The following STX18 variants were observed in gnomAD, a reference collection of about 807,000 sequenced individuals.
STX18 encodes syntaxin 18, also known as syntaxin-18.
Under a neutral mutation model 50.1 loss-of-function variants are expected in STX18, and 40 were observed. The observed-to-expected ratio is 0.80, with a 90% CI of 0.62 to 1.04. STX18 has a LOEUF of 1.04. Among genes scored for constraint, STX18 ranks in the 50% least tolerant of loss-of-function variants. The probability of loss-of-function intolerance (pLI) is 0.00; values close to 1 mark genes in which losing one functional copy is unlikely to be tolerated. For synonymous variants in STX18, 158 were observed against 151.8 expected, an observed-to-expected ratio of 1.04 and a Z score of -0.30; for missense variants, 410 against 415.8, an observed-to-expected ratio of 0.99 and a Z score of 0.12.
Position 4,419,954 on chromosome 4 carries a change from C to A in STX18, c.*80G>T. 1 of 1,202,222 alleles carries A rather than the reference C, an allele frequency of 8.3e-7. No individual in the cohort carries two copies. The highest frequency in any genetic ancestry group is 1.2e-6 in the Non-Finnish European group (1 of 833,960). 74.5% of individuals were successfully genotyped at this position (1,202,222 alleles called of 1,614,324 possible). On this transcript the variant is annotated 3_prime_UTR_variant, in exon 11 of 11. Coordinates refer to ENST00000306200, the MANE Select transcript of STX18 (RefSeq NM_016930.4). ...TGTGATAAAATCTGGTCATACCATG[C>A]TCCAGCACTGGAAGTACATGAAAGC... is the stretch of plus-strand genomic sequence containing the variant.
chr4:4,486,867 G>C (rs1333302133), intron 1 of STX18, among the ~76,000 whole-genome samples: 1 of 152,106 alleles, frequency 6.6e-6, no homozygotes, highest in Non-Finnish European at 1.5e-5. Context: ...CTTTCTAAGA[G>C]GGGACTATAT....
At chr4:4,515,356 T>A (rs1312945844) in intron 1 of STX18, among the ~76,000 whole-genome samples, 1 of 152,126 alleles carries the variant, frequency 6.6e-6, no homozygotes, top group African/African-American at 2.4e-5. Flanking sequence ...ACATAAGCAG[T>A]TCTAAAAATT....
At chr4:4,500,897 C>A (rs537487691) in intron 1 of STX18, among the ~76,000 whole-genome samples, 1 of 151,962 alleles carries the variant, frequency 6.6e-6, no homozygotes, top group Non-Finnish European at 1.5e-5. Context: ...ATTAGCTGGG[C>A]GTGGTGGCGG....
intron 1 of STX18, among the ~76,000 whole-genome samples, chr4:4,483,012 A>C (rs1189697900): frequency 6.6e-6 from 1 of 152,210 alleles, no homozygotes; most frequent in Non-Finnish European, 1.5e-5. Flanking sequence ...TTAGAGACAG[A>C]AGGAGAGAAA....
At position 4,459,332 on chromosome 4, in the gene STX18, T is replaced by C. The variant is rs935898362; in HGVS notation, c.352+40A>G. The stretch of plus-strand genomic sequence containing the variant: ...ATGCATCTTGTTTAACTACTTGCTA[T>C]ATTCATGGTTGCTTGTTTGCATCTT... On this transcript the variant is annotated intron_variant, in intron 3 of 10. Coordinates refer to ENST00000306200, the MANE Select transcript of STX18 (RefSeq NM_016930.4). 3 of 1,443,136 alleles carry C rather than the reference T, an allele frequency of 2.1e-6. No homozygotes were observed. In the African/African-American group the frequency reaches 4.2e-5, roughly 20 times the overall value. 89.4% of individuals were successfully genotyped at this position (1,443,136 alleles called of 1,614,324 possible). A position where few individuals can be genotyped will look rare whatever the true frequency, so the allele number is the denominator to read the frequency against.
At chr4:4,483,863 T>A (rs2108853092) in intron 1 of STX18, among the ~76,000 whole-genome samples, 1 of 141,318 alleles carries the variant, frequency 7.1e-6, no homozygotes, top group East Asian at 2.0e-4. Flanking sequence ...TCTCAGGAAT[T>A]TTTTTTTTCC....
intron 1 of STX18, among the ~76,000 whole-genome samples, chr4:4,489,487 C>G (rs964690722): frequency 3.9e-5 from 5 of 126,930 alleles, no homozygotes; most frequent in African/African-American, 1.4e-4. Flanking sequence ...TGGGCTCAAG[C>G]AATCTGCCTG....
intron 2 of STX18, among the ~76,000 whole-genome samples, chr4:4,463,932 A>G (rs1727501758): frequency 6.6e-6 from 1 of 152,234 alleles, no homozygotes; most frequent in Admixed American, 6.5e-5. Context: ...AAGTAGACAA[A>G]GCATCAAGGA....
intron 7 of STX18, among the ~76,000 whole-genome samples, chr4:4,427,113 C>T (rs62289802): frequency 0.038 from 5,732 of 152,306 alleles, 129 homozygotes; most frequent in African/African-American, 0.066. Context: ...AGGCAGCTGT[C>T]CTCCTTTGGA....
intron 1 of STX18, among the ~76,000 whole-genome samples, chr4:4,487,207 G>A (rs994182717): frequency 7.2e-5 from 11 of 152,060 alleles, no homozygotes; most frequent in African/African-American, 2.2e-4. Context: ...CTCAGCACCC[G>A]CAGACATCTG....
chr4:4,437,237 T>C (rs4689554), intron 6 of STX18, among the ~76,000 whole-genome samples: 24 of 152,300 alleles, frequency 1.6e-4, no homozygotes, highest in Middle Eastern at 3.4e-3. Context: ...ATTACAGGTG[T>C]GAACCACTGC....
At chr4:4,532,520 G>A (rs1216432063) in intron 1 of STX18, among the ~76,000 whole-genome samples, 1 of 151,754 alleles carries the variant, frequency 6.6e-6, no homozygotes, top group Non-Finnish European at 1.5e-5. Context: ...AATATCACAA[G>A]GTAATGGGCA....
intron 2 of STX18, 64 bp downstream of exon 2, chr4:4,471,575 A>C: frequency 8.7e-7 from 1 of 1,154,844 alleles, no homozygotes; most frequent in South Asian, 1.9e-5. Flanking sequence ...AAAAAGCGCA[A>C]AAGAAATATA....
chr4:4,473,603 CTTT>C (rs1728033524), intron 1 of STX18, among the ~76,000 whole-genome samples: 1 of 152,132 alleles, frequency 6.6e-6, no homozygotes, highest in South Asian at 2.1e-4. Flanking sequence ...GGAAATCTGA[CTTT>C]TAAGTCTGTT....
At chr4:4,423,710 G>T in intron 8 of STX18, 123 bp from the exon 9 acceptor site, 1 of 940,458 alleles carries the variant, frequency 1.1e-6, no homozygotes, top group Non-Finnish European at 1.7e-6. Context: ...GGCACACTGT[G>T]TCGGCTGGGG....
At chr4:4,538,533 A>G (rs919322075) in intron 1 of STX18, among the ~76,000 whole-genome samples, 11 of 146,092 alleles carry the variant, frequency 7.5e-5, no homozygotes, top group Admixed American at 3.4e-4. Flanking sequence ...TGGTGCCACT[A>G]AAGAAAATAT....
intron 7 of STX18, among the ~76,000 whole-genome samples, chr4:4,428,234 G>A (rs1287591912): frequency 6.6e-6 from 1 of 152,250 alleles, no homozygotes; most frequent in East Asian, 1.9e-4. Flanking sequence ...GAACCCTGGG[G>A]CAATGCTGGG....
At chr4:4,459,900 C>T (rs1727290137) in intron 2 of STX18, among the ~76,000 whole-genome samples, 1 of 152,186 alleles carries the variant, frequency 6.6e-6, no homozygotes, top group Admixed American at 6.5e-5. Context: ...AGGCACACTC[C>T]CACCTCAGGA....
At chr4:4,457,113 A>G in intron 5 of STX18, 78 bp downstream of exon 5, 1 of 1,320,030 alleles carries the variant, frequency 7.6e-7, no homozygotes, top group Non-Finnish European at 1.1e-6. Flanking sequence ...TGCATAGGGT[A>G]AGTGCTCTAC....
Sources: gnomAD v4.1 joint callset for allele counts (sites outside exome capture counted in the v4.1 genomes callset) on GRCh38, gnomAD v4.1.1 for gene constraint, MANE v1.5 for transcripts, NCBI Gene and HGNC (gene_info 2026-07-23, HGNC 2026-07-21) for gene names.